Variants in SERPINF1 observed in about 807,000 individuals in gnomAD.
The protein encoded by SERPINF1 is serpin family F member 1.
SERPINF1 carries 29 observed loss-of-function variants against 37.3 expected under a neutral mutation model. The observed-to-expected ratio is 0.78, with a 90% CI of 0.58 to 1.06. The LOEUF (loss-of-function observed/expected upper bound fraction) is 1.06. Among genes scored for constraint, SERPINF1 ranks in the 50% least tolerant of loss-of-function variants. The probability of loss-of-function intolerance (pLI) is 0.00; values close to 1 mark genes in which losing one functional copy is unlikely to be tolerated. For missense variants in SERPINF1, 553 were observed against 532.2 expected (o/e 1.04, Z -0.38); for synonymous variants, 281 against 227.9 (o/e 1.23, Z -2.10).
chr17:1,771,006 G>A (rs192940735), intron 3 of SERPINF1, 23 bp from the exon 4 acceptor site: 28 of 1,613,646 alleles, frequency 1.7e-5, no homozygotes, highest in African/African-American at 8.0e-5. Flanking sequence ...AGTTATCAAC[G>A]TCCACATCCT....
chr17:1,768,468 CT>C (rs1403136382), intron 2 of SERPINF1, among the ~76,000 whole-genome samples: 1 of 148,484 alleles, frequency 6.7e-6, no homozygotes. Context: ...AAACTGAGTT[CT>C]TTTTTTTAAC....
At chr17:1,771,763 A>C in intron 4 of SERPINF1, 109 bp from the exon 5 acceptor site, 1 of 1,015,310 alleles carries the variant, frequency 9.8e-7, no homozygotes. Context: ...CTGGCTGGGA[A>C]GTCAGGGCCT....
intron 5 of SERPINF1, among the ~76,000 whole-genome samples, chr17:1,773,600 C>A (rs1567756447): frequency 1.3e-5 from 2 of 152,228 alleles, no homozygotes. Context: ...AGGAACTCTG[C>A]ACACATTTCA....
chr17:1,765,439 A>C (rs530599253), intron 1 of SERPINF1, among the ~76,000 whole-genome samples: 46 of 151,968 alleles, frequency 3.0e-4, no homozygotes, highest in Admixed American at 8.5e-4. Flanking sequence ...CTCCTGCCTC[A>C]GCCTCCTGAG....
chr17:1,774,520 C>T (rs540820459), intron 5 of SERPINF1, among the ~76,000 whole-genome samples: 7 of 151,994 alleles, frequency 4.6e-5, no homozygotes, highest in Non-Finnish European at 7.4e-5. Flanking sequence ...TTAGTAGAGA[C>T]GGGGTTTTGC....
In SERPINF1 at chr17:1,772,040, T is replaced by A. The variant is rs1397178384; in HGVS notation, c.608T>A (p.Ile203Asn). The A allele has an allele frequency of 1.2e-6, 2 of 1,613,820 alleles. No individual in the cohort carries two copies. The highest frequency in any genetic ancestry group is 1.7e-6 in the Non-Finnish European group (2 of 1,179,962). The change falls in exon 5 of 8, where the codon ATC (isoleucine) becomes AAC (asparagine). Residue 203 changes from isoleucine to asparagine, a missense_variant. Transcript: ENST00000254722. ...ARSTKEIPDE[I>N]SILLLGVAHF... ...TCCACAAAGGAAATTCCCGATGAGA[T>A]CAGCATTCTCCTTCTCGGTGTGGCG...
At position 1,771,040 on chromosome 17, in the gene SERPINF1, C is replaced by T. The variant is rs1085307634; in HGVS notation, c.295C>T (p.Arg99Ter). The T allele has an allele frequency of 7.4e-6, 12 of 1,613,872 alleles. No homozygotes were observed. The highest frequency in any genetic ancestry group is 2.7e-5 in the African/African-American group (2 of 74,902). Residue 99 changes from arginine to a stop codon, truncating the protein, a stop_gained, in exon 4 of 8, where the codon CGA (arginine) becomes TGA (stop). Transcript: ENST00000254722. LOFTEE classifies it high-confidence loss of function. ...LSALSLGAEQ[R>*]TESIIHRALY... is the part of the protein sequence containing the mutation. ...CTTGTCTCTGGCAGGAGCGGAGCAGCGAACAGAATCCATCATTCACCGGGC... is the reference window on the plus strand; with the variant it reads ...CTTGTCTCTGGCAGGAGCGGAGCAGTGAACAGAATCCATCATTCACCGGGC...
chr17:1,776,597 G>A lies in SERPINF1; in HGVS notation c.852G>A (p.Gln284=), dbSNP rs778695565. 6 of 1,614,044 alleles carry A rather than the reference G, an allele frequency of 3.7e-6. No individual in the cohort carries two copies. Among genetic ancestry groups the A allele is most frequent in the Non-Finnish European group, 4.2e-6 (5 of 1,180,002 alleles). ...IIFFLPLKVT[Q]NLTLIEESLT... ...TCTTCCTGCCCCTGAAAGTGACCCA[G>A]AATTTGACCTTGATAGAGGAGAGCC... The change falls in exon 7 of 8, where the codon CAG becomes CAA. Residue 284 remains glutamine, a synonymous_variant. Coordinates refer to ENST00000254722, the MANE Select transcript of SERPINF1 (RefSeq NM_002615.7).
At chr17:1,769,379 A>AGGCGAGATCACGCTC in intron 2 of SERPINF1, among the ~76,000 whole-genome samples, 1 of 150,458 alleles carries the variant, frequency 6.6e-6, no homozygotes, top group African/African-American at 2.5e-5. Context: ...ACCGTACTCC[A>AGGCGAGATCACGCTC]GCCTGAGCGA....
chr17:1,764,252 T>C (rs1907240006), intron 1 of SERPINF1, among the ~76,000 whole-genome samples: 1 of 152,240 alleles, frequency 6.6e-6, no homozygotes, highest in African/African-American at 2.4e-5. Context: ...CCAGAGGAAC[T>C]AGAACTAACA....
chr17:1,763,560 C>T (rs940782299), intron 1 of SERPINF1, among the ~76,000 whole-genome samples: 7 of 152,238 alleles, frequency 4.6e-5, no homozygotes, highest in Admixed American at 2.6e-4. Context: ...CAGGGTATTG[C>T]GTGTGTGCTG....
At chr17:1,764,170 G>T (rs1203498102) in intron 1 of SERPINF1, among the ~76,000 whole-genome samples, 1 of 152,182 alleles carries the variant, frequency 6.6e-6, no homozygotes, top group African/African-American at 2.4e-5. Flanking sequence ...CGACAAGAGT[G>T]AAACTCTGTC....
chr17:1,775,262 G>A (rs1299669129), intron 6 of SERPINF1, 62 bp downstream of exon 6: 2 of 1,539,864 alleles, frequency 1.3e-6, no homozygotes, highest in East Asian at 4.5e-5. Flanking sequence ...AAGCAAAACA[G>A]GGTAGTGGGA....
chr17:1,769,849 C>T lies in SERPINF1; in HGVS notation c.85-3C>T. 1 of 1,614,206 alleles carries T rather than the reference C, an allele frequency of 6.2e-7. No homozygotes were observed. The highest frequency in any genetic ancestry group is 1.1e-5 in the South Asian group (1 of 91,086). ...AAACCCAAGACTTCCTGTCTCCTGC[C>T]AGGGCTCCCCAGACCCCGACAGCAC... On this transcript the variant is annotated splice_region_variant and splice_polypyrimidine_tract_variant and intron_variant, in intron 2 of 7. Transcript: ENST00000254722.
intron 5 of SERPINF1, among the ~76,000 whole-genome samples, chr17:1,773,509 C>A (rs548719865): frequency 2.0e-5 from 3 of 152,028 alleles, no homozygotes; most frequent in Non-Finnish European, 4.4e-5. Flanking sequence ...CGGCCTCCCA[C>A]AGTGCTGGGA....
At chr17:1,772,843 G>T (rs1203897986) in intron 5 of SERPINF1, among the ~76,000 whole-genome samples, 2 of 152,022 alleles carry the variant, frequency 1.3e-5, no homozygotes, top group Admixed American at 1.3e-4. Flanking sequence ...ACTGCGCCCG[G>T]CCCTTTTACA....
Position 1,776,438 on chromosome 17 carries a change from C to T in SERPINF1, c.787-94C>T, listed in dbSNP as rs572346461. On this transcript the variant is annotated intron_variant, in intron 6 of 7. Coordinates refer to ENST00000254722, the MANE Select transcript of SERPINF1 (RefSeq NM_002615.7). ...GCTGGATGAAGGACGAGACCAGGGCCCCGTCACGGGAGAGGGAAGGCAGCT... is the reference window on the plus strand; with the variant it reads ...GCTGGATGAAGGACGAGACCAGGGCTCCGTCACGGGAGAGGGAAGGCAGCT... 2.2e-4 allele frequency: 241 copies of T among 1,093,742 alleles called. 4 individuals are homozygous for T. In the South Asian group the frequency reaches 2.9e-3, roughly 13 times the overall value. The allele number at this position is 1,093,742 out of a possible 1,614,324, so 67.8% of individuals were successfully genotyped here.
chr17:1,769,479 C>G (rs766638020), intron 2 of SERPINF1, among the ~76,000 whole-genome samples: 2 of 151,696 alleles, frequency 1.3e-5, no homozygotes, highest in African/African-American at 4.9e-5. Flanking sequence ...GGCCATGAGG[C>G]CAGGCGCAGT....
intron 6 of SERPINF1, among the ~76,000 whole-genome samples, chr17:1,775,753 C>T (rs1005677503): frequency 5.3e-5 from 8 of 152,162 alleles, no homozygotes; most frequent in Non-Finnish European, 1.5e-5. Flanking sequence ...AGGCTGGTCT[C>T]AAACTCCCAA....
Sources: allele counts gnomAD v4.1 joint callset (sites outside exome capture counted in the v4.1 genomes callset), GRCh38; gene constraint gnomAD v4.1.1; transcripts MANE v1.5; gene names NCBI Gene and HGNC (gene_info 2026-07-23, HGNC 2026-07-21).